Variants in POGZ observed in about 807,000 individuals in gnomAD.
POGZ encodes pogo transposable element derived with ZNF domain.
A neutral mutation model predicts 134.6 loss-of-function variants in POGZ; 17 were observed. The observed-to-expected ratio is 0.13, with a 90% CI of 0.09 to 0.19. POGZ has a LOEUF of 0.19. POGZ is among the 10% of genes least tolerant of loss of function. The pLI is 1.00. For synonymous variants in POGZ, 693 were observed against 657.1 expected, an observed-to-expected ratio of 1.05 and a Z score of -0.84; for missense variants, 1,306 against 1,769.7, an observed-to-expected ratio of 0.74 and a Z score of 4.70.
At chr1:151,416,615 T>C (rs1276251456) in intron 10 of POGZ, among the ~76,000 whole-genome samples, 2 of 139,756 alleles carry the variant, frequency 1.4e-5, no homozygotes, top group East Asian at 3.9e-4. Flanking sequence ...AATGTAATAC[T>C]ACTTTTTGGG....
At chr1:151,459,116 G>T (rs1433907033) in intron 1 of POGZ, 36 bp downstream of exon 1, 1 of 151,358 alleles carries the variant, frequency 6.6e-6, no homozygotes, top group Non-Finnish European at 1.5e-5. Context: ...CCGGGAGCAG[G>T]GGGTGGGGAG....
chr1:151,404,455 T>G lies in POGZ; in HGVS notation c.*347A>C. 1 of 1,010,966 alleles carries G rather than the reference T, an allele frequency of 9.9e-7. No homozygotes were observed. Among genetic ancestry groups the G allele is most frequent in the Non-Finnish European group, 1.2e-6 (1 of 845,172 alleles). 62.6% of individuals were successfully genotyped at this position (1,010,966 alleles called of 1,614,324 possible). A position where few individuals can be genotyped will look rare whatever the true frequency, so the allele number is the denominator to read the frequency against. On this transcript the variant is annotated 3_prime_UTR_variant, in exon 19 of 19. Transcript: ENST00000271715. The stretch of plus-strand genomic sequence containing the variant: ...GAGGTAAAAGGGGAAACAAAAAAAT[T>G]TAACATTTGCCCACAAATAATTTTT...
At chr1:151,421,590 TTGTC>T (rs1281706893) in intron 10 of POGZ, among the ~76,000 whole-genome samples, 2 of 152,322 alleles carry the variant, frequency 1.3e-5, no homozygotes, top group Middle Eastern at 3.4e-3. Context: ...GATCTCTTCT[TTGTC>T]TAACAATTTT....
intron 15 of POGZ, 141 bp downstream of exon 15, chr1:151,407,959 C>T (rs1434727037): frequency 4.9e-6 from 3 of 618,446 alleles, no homozygotes; most frequent in East Asian, 5.8e-5. Context: ...TTGCAGTGAG[C>T]CAAGATCATG....
intron 10 of POGZ, among the ~76,000 whole-genome samples, chr1:151,418,897 C>T (rs759969418): frequency 9.3e-5 from 14 of 150,462 alleles, no homozygotes; most frequent in Non-Finnish European, 1.8e-4. Flanking sequence ...TGGTGGTGGG[C>T]GCCTGTAATC....
rs1360991615 is a variant in POGZ, at chr1:151,427,834, G to A, written c.1067C>T (p.Ser356Phe). 6.2e-7 allele frequency: 1 copy of A among 1,609,868 alleles called. No individual in the cohort carries two copies. Among genetic ancestry groups the A allele is most frequent in the African/African-American group, 1.3e-5 (1 of 74,860 alleles). ...HGSQRTSGPE[S>F]SMKVTSSIPV... Reference sequence around the variant, plus strand: ...TCAGGTTATTGTACCTTTCATTGAAGACTCAGGTCCGCTGGTTCTTTGAGA... The same window carrying A: ...TCAGGTTATTGTACCTTTCATTGAAAACTCAGGTCCGCTGGTTCTTTGAGA... Residue 356 changes from serine to phenylalanine, a missense_variant, in exon 7 of 19, where the codon TCT (serine) becomes TTT (phenylalanine). This residue lies in a region of POGZ where 541 missense variants were observed against 680.5 expected (regional missense o/e 0.80). Coordinates refer to ENST00000271715, the MANE Select transcript of POGZ (RefSeq NM_015100.4).
intron 18 of POGZ, 46 bp from the exon 19 acceptor site, chr1:151,406,510 C>T (rs753091778): frequency 2.6e-5 from 41 of 1,555,992 alleles, no homozygotes; most frequent in Non-Finnish European, 3.5e-5. Flanking sequence ...CTCAGTTCAA[C>T]TAGGAAATTG....
chr1:151,406,724 T>C (rs960589391), intron 17 of POGZ, 93 bp from the exon 18 acceptor site: 19 of 1,161,100 alleles, frequency 1.6e-5, no homozygotes, highest in Non-Finnish European at 2.4e-5. Context: ...TACATACAAA[T>C]ACGCTGTTCG....
chr1:151,428,250 G>T lies in POGZ; in HGVS notation c.732C>A (p.Ser244=), dbSNP rs1658100169. 3 of 1,614,076 alleles carry T rather than the reference G, an allele frequency of 1.9e-6. No individual in the cohort carries two copies. The highest frequency in any genetic ancestry group is 1.1e-5 in the South Asian group (1 of 91,082). ...GAGTGGACTTGGTCTGCTGGGACTG[G>T]GACTGTGGGACGGTGCTTCGAATGG... ...TLTIRSTVPQ[S]QSQQTKSTPS... is the part of the protein sequence containing the mutation. Residue 244 remains serine, a synonymous_variant, in exon 6 of 19, where the codon TCC becomes TCA. Transcript: ENST00000271715.
chr1:151,424,046 G>T lies in POGZ; in HGVS notation c.1426C>A (p.Arg476=). The T allele has an allele frequency of 6.2e-7, 1 of 1,614,106 alleles. No homozygotes were observed. Among genetic ancestry groups the T allele is most frequent in the Non-Finnish European group, 8.5e-7 (1 of 1,179,986 alleles). Residue 476 remains arginine, a synonymous_variant, in exon 9 of 19, where the codon CGG becomes AGG. Coordinates refer to ENST00000271715, the MANE Select transcript of POGZ (RefSeq NM_015100.4). ...AGCTGGGCTACTTTGCCACCATCCCGTCCATAGTAGAAGTCATCTACAAGC... is the reference window on the plus strand; with the variant it reads ...AGCTGGGCTACTTTGCCACCATCCCTTCCATAGTAGAAGTCATCTACAAGC... The part of the protein sequence containing the change: ...IMLVDDFYYG[R]DGGKVAQLTN...
At chr1:151,413,652 TTC>T (rs1451684618) in intron 10 of POGZ, among the ~76,000 whole-genome samples, 1 of 117,622 alleles carries the variant, frequency 8.5e-6, no homozygotes, top group Non-Finnish European at 1.7e-5. Flanking sequence ...GTTGAAATAA[TTC>T]TTTTTTCTTT....
intron 3 of POGZ, among the ~76,000 whole-genome samples, chr1:151,436,226 A>C (rs1659565152): frequency 6.6e-6 from 1 of 152,050 alleles, no homozygotes; most frequent in South Asian, 2.1e-4. Context: ...CCAAAGTGCT[A>C]GGATTACGGG....
At chr1:151,422,263 A>G (rs1340757059) in intron 10 of POGZ, among the ~76,000 whole-genome samples, 2 of 152,162 alleles carry the variant, frequency 1.3e-5, no homozygotes, top group Non-Finnish European at 2.9e-5. Flanking sequence ...GAAGTATTTC[A>G]CCTATCAATG....
intron 10 of POGZ, among the ~76,000 whole-genome samples, chr1:151,417,731 A>C (rs75632655): frequency 7.5e-4 from 99 of 131,700 alleles, no homozygotes; most frequent in African/African-American, 3.4e-3. Context: ...CACACACACA[A>C]AAGGCCTTAT....
At chr1:151,414,298 A>T (rs763753959) in intron 10 of POGZ, among the ~76,000 whole-genome samples, 6 of 152,096 alleles carry the variant, frequency 3.9e-5, no homozygotes, top group Non-Finnish European at 7.4e-5. Flanking sequence ...TACCTCTCTC[A>T]TTTTTCTCTT....
At chr1:151,418,944 G>A (rs1656290434) in intron 10 of POGZ, among the ~76,000 whole-genome samples, 1 of 134,592 alleles carries the variant, frequency 7.4e-6, no homozygotes, top group Admixed American at 8.8e-5. Context: ...AGAATCGCTT[G>A]AAACCAGAAG....
chr1:151,445,262 C>T (rs1275128097), intron 1 of POGZ, among the ~76,000 whole-genome samples: 4 of 152,008 alleles, frequency 2.6e-5, no homozygotes, highest in Admixed American at 6.5e-5. Context: ...TGGCTCACAT[C>T]TGTAATCTCA....
intron 9 of POGZ, 71 bp downstream of exon 9, chr1:151,423,878 G>C: frequency 8.1e-7 from 1 of 1,232,640 alleles, no homozygotes; most frequent in Admixed American, 2.2e-5. Context: ...CAAAGAGAAA[G>C]ACTTAAAATA....
chr1:151,442,050 A>G, intron 2 of POGZ, 31 bp downstream of exon 2: 2 of 1,517,964 alleles, frequency 1.3e-6, no homozygotes, highest in Non-Finnish European at 9.1e-7. Flanking sequence ...AATTAATTTA[A>G]ACCATCTAAG....
Sources: allele counts gnomAD v4.1 joint callset (sites outside exome capture counted in the v4.1 genomes callset), GRCh38; gene constraint gnomAD v4.1.1; regional missense constraint gnomAD v4.1.1; transcripts MANE v1.5; gene names NCBI Gene and HGNC (gene_info 2026-07-23, HGNC 2026-07-21).